Variants in NRG1 observed in about 807,000 individuals in gnomAD.
NRG1 encodes the protein pro-neuregulin-1, membrane-bound isoform.
Under a neutral mutation model 63.8 loss-of-function variants are expected in NRG1, and 18 were observed. The ratio of observed to expected loss-of-function variants is 0.28; its 90% CI spans 0.19 to 0.42. NRG1 has a LOEUF of 0.42. Among genes scored for constraint, NRG1 ranks in the 10% least tolerant of loss-of-function variants. NRG1 has a pLI of 1.00. For missense variants in NRG1, 762 were observed against 814.7 expected (o/e 0.94, Z 0.79); for synonymous variants, 302 against 301.3 (o/e 1.00, Z -0.02).
intron 1 of NRG1, among the ~76,000 whole-genome samples, chr8:31,774,160 GT>G (rs1475685437): frequency 1.5e-4 from 23 of 152,134 alleles, no homozygotes; most frequent in Non-Finnish European, 3.2e-4. Flanking sequence ...GTACACTGGG[GT>G]TTTTACTTTT....
chr8:31,687,357 G>A (rs922855378), intron 1 of NRG1, among the ~76,000 whole-genome samples: 8 of 152,200 alleles, frequency 5.3e-5, no homozygotes, highest in African/African-American at 1.9e-4. Context: ...TAGTCAAGCA[G>A]CTGAGACATT....
chr8:32,166,623 A>T (rs970614461), intron 1 of NRG1, among the ~76,000 whole-genome samples: 15 of 152,198 alleles, frequency 9.9e-5, no homozygotes, highest in African/African-American at 1.2e-4. Context: ...AAGAATCTAC[A>T]GTTGAGGGAG....
intron 1 of NRG1, among the ~76,000 whole-genome samples, chr8:31,718,091 G>A (rs1186292996): frequency 1.3e-5 from 2 of 152,052 alleles, no homozygotes; most frequent in Admixed American, 1.3e-4. Context: ...TTAACCTAAT[G>A]GATATTTGTT....
At chr8:31,759,512 C>A (rs920413739) in intron 1 of NRG1, among the ~76,000 whole-genome samples, 1 of 152,036 alleles carries the variant, frequency 6.6e-6, no homozygotes, top group African/African-American at 2.4e-5. Flanking sequence ...TTTAATTGCA[C>A]TGGTGCCTTT....
intron 1 of NRG1, among the ~76,000 whole-genome samples, chr8:32,399,264 C>A (rs1424115756): frequency 6.6e-6 from 1 of 152,148 alleles, no homozygotes; most frequent in Admixed American, 6.6e-5. Flanking sequence ...TAAGGTAAAA[C>A]ACGTTAATTT....
At chr8:32,222,037 AC>A (rs1308028637) in intron 1 of NRG1, among the ~76,000 whole-genome samples, 7 of 64,258 alleles carry the variant, frequency 1.1e-4, no homozygotes, top group Admixed American at 5.3e-4. Flanking sequence ...ACATACATAC[AC>A]ACACACACAC....
At chr8:31,963,054 G>T (rs373427907) in intron 1 of NRG1, among the ~76,000 whole-genome samples, 6 of 152,154 alleles carry the variant, frequency 3.9e-5, no homozygotes, top group African/African-American at 1.4e-4. Flanking sequence ...AATTTGACTT[G>T]GAGGGATGTT....
chr8:32,735,134 G>A (rs554844425), intron 6 of NRG1, among the ~76,000 whole-genome samples: 1 of 152,276 alleles, frequency 6.6e-6, no homozygotes, highest in Non-Finnish European at 1.5e-5. Flanking sequence ...ATACTCTTCA[G>A]ATGTATATAG....
Position 32,756,325 on chromosome 8 carries a change from T to G in NRG1, c.795-78T>G. ...TACTGCCTTGAACTACTCATAGGTG[T>G]TGGTAGAATAAAGACTTGGCTCTAC... On this transcript the variant is annotated intron_variant, in intron 8 of 11. Coordinates refer to ENST00000356819, the Ensembl canonical transcript of NRG1. 4 of 1,530,318 alleles carry G rather than the reference T, an allele frequency of 2.6e-6. No homozygotes were observed. The South Asian group carries it at 5.0e-5, about 19-fold the overall frequency. 94.8% of individuals were successfully genotyped at this position (1,530,318 alleles called of 1,614,324 possible).
intron 1 of NRG1, among the ~76,000 whole-genome samples, chr8:31,680,655 C>G (rs1005434904): frequency 6.6e-6 from 1 of 151,096 alleles, no homozygotes; most frequent in Admixed American, 6.6e-5. Context: ...GGTATATACC[C>G]AGTAATGGGA....
At chr8:32,216,514 C>T (rs765294119) in intron 1 of NRG1, among the ~76,000 whole-genome samples, 1 of 149,140 alleles carries the variant, frequency 6.7e-6, no homozygotes, top group Non-Finnish European at 1.5e-5. Context: ...GACAACCTTA[C>T]TAATACATCC....
chr8:32,383,438 C>G (rs1007810992), intron 1 of NRG1, among the ~76,000 whole-genome samples: 1 of 152,186 alleles, frequency 6.6e-6, no homozygotes, highest in Non-Finnish European at 1.5e-5. Flanking sequence ...CCTAGCCATA[C>G]CTAGGTCACA....
At chr8:31,776,216 G>T (rs921125370) in intron 1 of NRG1, among the ~76,000 whole-genome samples, 4 of 152,168 alleles carry the variant, frequency 2.6e-5, no homozygotes, top group African/African-American at 9.7e-5. Context: ...ATGAAAGTTC[G>T]AGAACCACTG....
intron 1 of NRG1, among the ~76,000 whole-genome samples, chr8:32,110,584 C>T (rs1240106746): frequency 6.6e-6 from 1 of 152,076 alleles, no homozygotes. Flanking sequence ...TGAACAAGGC[C>T]GTGCTCTTCT....
intron 1 of NRG1, among the ~76,000 whole-genome samples, chr8:32,040,729 TA>T (rs1819841788): frequency 2.3e-5 from 2 of 86,798 alleles, no homozygotes; most frequent in African/African-American, 3.9e-5. Context: ...TATATATATA[TA>T]TATATATGAA....
chr8:32,360,987 T>G (rs1046660883), intron 1 of NRG1, among the ~76,000 whole-genome samples: 4 of 152,214 alleles, frequency 2.6e-5, no homozygotes, highest in African/African-American at 4.8e-5. Context: ...GATCCAGATT[T>G]GATCCCACCT....
At chr8:31,839,336 G>A (rs931595379) in intron 1 of NRG1, among the ~76,000 whole-genome samples, 6 of 152,134 alleles carry the variant, frequency 3.9e-5, no homozygotes, top group African/African-American at 1.4e-4. Flanking sequence ...GAAGAGCAAA[G>A]TGTCAAGTAA....
At chr8:32,629,640 A>G (rs73590616) in intron 5 of NRG1, among the ~76,000 whole-genome samples, 4,728 of 152,304 alleles carry the variant, frequency 0.031, 146 homozygotes, top group African/African-American at 0.081. Flanking sequence ...GTAACATTTT[A>G]AGAAGCATTC....
At chr8:32,349,257 C>T (rs1398678963) in intron 1 of NRG1, among the ~76,000 whole-genome samples, 2 of 152,176 alleles carry the variant, frequency 1.3e-5, no homozygotes, top group African/African-American at 4.8e-5. Flanking sequence ...CTGTTAGGGA[C>T]AGGATATATC....
Sources: gnomAD v4.1 joint callset for allele counts (sites outside exome capture counted in the v4.1 genomes callset) on GRCh38, gnomAD v4.1.1 for gene constraint, MANE v1.5 for transcripts, NCBI Gene and HGNC (gene_info 2026-07-23, HGNC 2026-07-21) for gene names.